The following HM13 variants were observed in gnomAD, a reference collection of about 807,000 sequenced individuals.
HM13 encodes histocompatibility minor 13.
In HM13, 18 loss-of-function variants were observed where a neutral mutation model predicts 50.0. That is an observed-to-expected ratio of 0.36 (90% CI 0.25 to 0.53). The LOEUF is 0.53. Among genes scored for constraint, HM13 ranks in the 20% least tolerant of loss-of-function variants. The probability of loss-of-function intolerance (pLI) is 0.90; values close to 1 mark genes in which losing one functional copy is unlikely to be tolerated. For missense variants in HM13, 393 were observed against 552.4 expected (o/e 0.71, Z 2.89); for synonymous variants, 197 against 232.6 (o/e 0.85, Z 1.39).
At chr20:31,555,349 G>A (rs759045406) in intron 8 of HM13, among the ~76,000 whole-genome samples, 7 of 152,200 alleles carry the variant, frequency 4.6e-5, no homozygotes, top group Non-Finnish European at 5.9e-5. Flanking sequence ...GAGCATGTGC[G>A]TGCACACCTG....
At chr20:31,525,944 T>C (rs6120619) in intron 1 of HM13, among the ~76,000 whole-genome samples, 46,573 of 151,514 alleles carry the variant, frequency 0.31, 11,762 homozygotes, top group African/African-American at 0.7. Flanking sequence ...TGGCCGACAT[T>C]GTGAAACCCC....
chr20:31,515,166 G>C (rs1467751102), intron 1 of HM13, among the ~76,000 whole-genome samples: 3 of 152,170 alleles, frequency 2.0e-5, no homozygotes, highest in African/African-American at 7.2e-5. Context: ...GTCATTCCCT[G>C]TTAGGAACCC....
chr20:31,525,634 C>G lies in HM13; in HGVS notation c.184-1850C>G, dbSNP rs557134206. Among the ~76,000 whole-genome samples the G allele has an allele frequency of 5.9e-4, 90 of 152,006 alleles. 1 individual carries two copies. Among genetic ancestry groups the G allele is most frequent in the African/African-American group, 1.9e-3 (80 of 41,458 alleles). On this transcript the variant is annotated intron_variant, in intron 1 of 12. Coordinates refer to ENST00000398174, the MANE Select transcript of HM13 (RefSeq NM_178581.3). ...GTCCCAGCGGGGAAATCTGGAAGGG[C>G]TTCGTGGCAGTGACATTTACTAGGC...
intron 1 of HM13, among the ~76,000 whole-genome samples, chr20:31,521,208 A>T (rs1436047146): frequency 2.0e-5 from 3 of 152,212 alleles, no homozygotes; most frequent in South Asian, 4.1e-4. Flanking sequence ...TGTTCCTCAG[A>T]AAGGTTGCAG....
Position 31,569,463 on chromosome 20 carries a change from A to G in HM13, c.*244A>G. 2.5e-6 allele frequency: 1 copy of G among 397,772 alleles called. No homozygotes were observed. Among genetic ancestry groups the G allele is most frequent in the Non-Finnish European group, 4.6e-6 (1 of 218,024 alleles). The allele number at this position is 397,772 out of a possible 1,614,324, so 24.6% of individuals were successfully genotyped here. On this transcript the variant is annotated 3_prime_UTR_variant, in exon 13 of 13. Transcript: ENST00000398174. ...CCAGCTTCCCCCCTCCCCGGGAGCC[A>G]GGTGGGAAAAGTGGGTGTGATTTTT...
intron 9 of HM13, among the ~76,000 whole-genome samples, chr20:31,561,154 T>C (rs189114557): frequency 1.3e-5 from 2 of 152,336 alleles, no homozygotes; most frequent in East Asian, 3.9e-4. Context: ...AACTTATCTT[T>C]GCAGTTTCTG....
chr20:31,524,056 C>T (rs1309313176), intron 1 of HM13, among the ~76,000 whole-genome samples: 1 of 152,132 alleles, frequency 6.6e-6, no homozygotes, highest in Non-Finnish European at 1.5e-5. Flanking sequence ...CAGGCTGTTT[C>T]GCATCCCATA....
intron 4 of HM13, chr20:31,548,379 G>T: frequency 4.7e-6 from 1 of 213,680 alleles, no homozygotes; most frequent in Non-Finnish European, 9.4e-6. Context: ...GTCTACCACA[G>T]GGCCCCCCAC....
At chr20:31,558,739 T>G (rs1984450702) in intron 8 of HM13, among the ~76,000 whole-genome samples, 1 of 152,164 alleles carries the variant, frequency 6.6e-6, no homozygotes, top group Non-Finnish European at 1.5e-5. Context: ...TTTTTTGTAT[T>G]TTGAGACAGA....
intron 1 of HM13, among the ~76,000 whole-genome samples, chr20:31,521,833 T>C (rs1021010337): frequency 6.7e-6 from 1 of 150,124 alleles, no homozygotes; most frequent in Non-Finnish European, 1.5e-5. Flanking sequence ...ACTATTATCG[T>C]CAGATTTCAG....
intron 2 of HM13, among the ~76,000 whole-genome samples, chr20:31,534,637 G>T (rs749583609): frequency 3.9e-5 from 6 of 151,970 alleles, no homozygotes; most frequent in Admixed American, 6.6e-5. Context: ...ACAAAAATTA[G>T]CCAGGCGTGG....
chr20:31,518,703 C>G (rs1345824473), intron 1 of HM13, among the ~76,000 whole-genome samples: 3 of 151,580 alleles, frequency 2.0e-5, no homozygotes, highest in African/African-American at 7.3e-5. Flanking sequence ...ACATATAGAC[C>G]TAAAGTTAAC....
intron 7 of HM13, 142 bp from the exon 8 acceptor site, chr20:31,554,604 C>T (rs1984206767): frequency 3.2e-6 from 2 of 626,010 alleles, no homozygotes; most frequent in East Asian, 2.9e-5. Context: ...ATGGCATGAA[C>T]CCAGGAGATG....
intron 7 of HM13, 116 bp from the exon 8 acceptor site, chr20:31,554,630 C>T (rs1984208144): frequency 1.3e-6 from 1 of 751,202 alleles, no homozygotes; most frequent in Non-Finnish European, 2.2e-6. Flanking sequence ...TGCAGTGAGC[C>T]GAGATTGCGC....
chr20:31,521,942 C>T (rs527403515), intron 1 of HM13, among the ~76,000 whole-genome samples: 8 of 150,556 alleles, frequency 5.3e-5, no homozygotes, highest in African/African-American at 2.0e-4. Context: ...GATCTGCCCA[C>T]CTTGACCTCC....
At chr20:31,557,450 G>T (rs1181278417) in intron 8 of HM13, among the ~76,000 whole-genome samples, 5 of 152,172 alleles carry the variant, frequency 3.3e-5, no homozygotes. Context: ...GATCACAGTG[G>T]AGCGTTGTTT....
At chr20:31,547,875 C>T in intron 4 of HM13, 2 of 996,260 alleles carry the variant, frequency 2.0e-6, no homozygotes, top group Non-Finnish European at 3.2e-6. Context: ...CTAAGCTGTA[C>T]CCTGCTGCAG....
At chr20:31,518,864 TATAGAG>T (rs1029255903) in intron 1 of HM13, among the ~76,000 whole-genome samples, 1 of 150,930 alleles carries the variant, frequency 6.6e-6, no homozygotes, top group Non-Finnish European at 1.5e-5. Context: ...TACATATATA[TATAGAG>T]AGAGAGAGAG....
intron 4 of HM13, chr20:31,547,854 T>A: frequency 3.1e-6 from 3 of 965,640 alleles, no homozygotes; most frequent in Non-Finnish European, 5.1e-6. Context: ...CAGGTTTAAC[T>A]TCTCCTGGAG....
Sources: allele counts gnomAD v4.1 joint callset (sites outside exome capture counted in the v4.1 genomes callset), GRCh38; gene constraint gnomAD v4.1.1; transcripts MANE v1.5; gene names NCBI Gene and HGNC (gene_info 2026-07-23, HGNC 2026-07-21).